CSMD1: variants seen among roughly 807,000 people sequenced by gnomAD.
CSMD1 encodes the protein CUB and Sushi multiple domains 1.
Under a neutral mutation model 417.5 loss-of-function variants are expected in CSMD1, and 213 were observed. That is an observed-to-expected ratio of 0.51 (90% CI 0.46 to 0.57). The LOEUF is 0.57. Ranked by LOEUF, CSMD1 falls within the 20% of genes least tolerant of loss-of-function variation. The pLI is 0.00. For synonymous variants in CSMD1, 2,862 were observed against 1,736.8 expected, an observed-to-expected ratio of 1.65 and a Z score of -16.11; for missense variants, 6,923 against 4,529.7, an observed-to-expected ratio of 1.53 and a Z score of -15.17.
At chr8:4,372,561 G>A (rs1391337176) in intron 3 of CSMD1, among the ~76,000 whole-genome samples, 2 of 151,788 alleles carry the variant, frequency 1.3e-5, no homozygotes, top group African/African-American at 2.4e-5. Flanking sequence ...TTGGAGGAAT[G>A]GCTGTTTCTA....
At chr8:4,847,698 C>G (rs908192655) in intron 1 of CSMD1, among the ~76,000 whole-genome samples, 1 of 151,650 alleles carries the variant, frequency 6.6e-6, no homozygotes, top group Non-Finnish European at 1.5e-5. Context: ...AGTTTCCTGA[C>G]TTTTCTTGTT....
chr8:3,871,692 C>A (rs1293993294), intron 5 of CSMD1, among the ~76,000 whole-genome samples: 1 of 151,998 alleles, frequency 6.6e-6, no homozygotes, highest in Admixed American at 6.6e-5. Context: ...TCATTTTCAC[C>A]CAGGTAAATG....
At chr8:3,438,028 G>A (rs979826299) in intron 12 of CSMD1, among the ~76,000 whole-genome samples, 1 of 152,122 alleles carries the variant, frequency 6.6e-6, no homozygotes, top group Non-Finnish European at 1.5e-5. Context: ...TTCTAAAATA[G>A]AGGTTTTTGT....
intron 68 of CSMD1, among the ~76,000 whole-genome samples, chr8:2,948,070 T>G (rs1459933899): frequency 6.6e-6 from 1 of 152,060 alleles, no homozygotes; most frequent in African/African-American, 2.4e-5. Flanking sequence ...GGCTCTGGTA[T>G]CAAAGCCTAT....
At chr8:3,697,297 T>C (rs187747302) in intron 7 of CSMD1, among the ~76,000 whole-genome samples, 1 of 152,292 alleles carries the variant, frequency 6.6e-6, no homozygotes, top group Admixed American at 6.5e-5. Flanking sequence ...CCAGAAAACA[T>C]TTTCGGTTTT....
chr8:3,875,377 G>A (rs539884572), intron 5 of CSMD1, among the ~76,000 whole-genome samples: 118 of 152,280 alleles, frequency 7.7e-4, no homozygotes, highest in Non-Finnish European at 1.4e-3. Flanking sequence ...ACGTTTTGGC[G>A]ACTTCTGCGT....
chr8:3,850,578 C>G (rs957097740), intron 5 of CSMD1, among the ~76,000 whole-genome samples: 1 of 152,076 alleles, frequency 6.6e-6, no homozygotes, highest in African/African-American at 2.4e-5. Context: ...ACCTGTTTTC[C>G]CAGCTACTTA....
At chr8:4,656,575 T>C (rs76313501) in intron 1 of CSMD1, among the ~76,000 whole-genome samples, 5,097 of 151,786 alleles carry the variant, frequency 0.034, 131 homozygotes, top group East Asian at 0.12. Context: ...AATACGATTG[T>C]TGTGAATAGA....
chr8:3,256,323 AAAG>A (rs1554487842), intron 26 of CSMD1, among the ~76,000 whole-genome samples: 4 of 138,022 alleles, frequency 2.9e-5, no homozygotes, highest in African/African-American at 1.0e-4. Context: ...AAAAAAAAAA[AAAG>A]AGAAGAAAGG....
intron 4 of CSMD1, among the ~76,000 whole-genome samples, chr8:4,015,878 C>G (rs984353890): frequency 2.0e-5 from 3 of 152,096 alleles, no homozygotes; most frequent in African/African-American, 7.2e-5. Context: ...TGGTTTACAT[C>G]TCATGCTTCC....
intron 54 of CSMD1, among the ~76,000 whole-genome samples, chr8:2,982,508 G>A (rs1805509851): frequency 6.6e-6 from 1 of 152,172 alleles, no homozygotes. Context: ...GCCTGATGAA[G>A]GAAGCCTGAA....
At chr8:3,596,414 A>C (rs1801097667) in intron 8 of CSMD1, among the ~76,000 whole-genome samples, 1 of 152,128 alleles carries the variant, frequency 6.6e-6, no homozygotes, top group Admixed American at 6.5e-5. Context: ...TAAGTCAACA[A>C]TGGAGGAGGC....
At chr8:3,599,679 A>G (rs1264677110) in intron 8 of CSMD1, among the ~76,000 whole-genome samples, 1 of 152,128 alleles carries the variant, frequency 6.6e-6, no homozygotes, top group Admixed American at 6.5e-5. Flanking sequence ...CTTTAACAAC[A>G]TCTCCATTTT....
intron 1 of CSMD1, among the ~76,000 whole-genome samples, chr8:4,709,641 C>G (rs568587179): frequency 6.6e-6 from 1 of 152,172 alleles, no homozygotes; most frequent in Non-Finnish European, 1.5e-5. Context: ...GAGCCCAAGA[C>G]TACTGGGGGT....
At chr8:4,918,709 C>T (rs1181195100) in intron 1 of CSMD1, among the ~76,000 whole-genome samples, 4 of 152,062 alleles carry the variant, frequency 2.6e-5, no homozygotes, top group Admixed American at 6.5e-5. Flanking sequence ...ATACATTTTT[C>T]GTAATTTCAC....
chr8:3,947,890 T>C (rs549382790), intron 5 of CSMD1, among the ~76,000 whole-genome samples: 2 of 152,280 alleles, frequency 1.3e-5, no homozygotes, highest in South Asian at 2.1e-4. Flanking sequence ...ACCTGTTCTA[T>C]TAGTTAAAAG....
Position 3,264,248 on chromosome 8 carries a change from T to A in CSMD1, c.4153+19896A>T, listed in dbSNP as rs570833088. 4.6e-5 allele frequency among the ~76,000 whole-genome samples: 7 copies of A among 152,336 alleles called. No homozygotes were observed. The East Asian group carries it at 5.8e-4, about 13-fold the overall frequency. On this transcript the variant is annotated intron_variant, in intron 26 of 69. Coordinates refer to ENST00000635120, the MANE Select transcript of CSMD1 (RefSeq NM_033225.6). ...AAACATTCTCTGCGAATTCACCAGTTCTTTATTAACAATAAGTACCTGGTT... is the reference window on the plus strand; with the variant it reads ...AAACATTCTCTGCGAATTCACCAGTACTTTATTAACAATAAGTACCTGGTT...
At chr8:4,056,692 C>T (rs79728588) in intron 3 of CSMD1, among the ~76,000 whole-genome samples, 2,257 of 152,038 alleles carry the variant, frequency 0.015, 52 homozygotes, top group East Asian at 0.087. Flanking sequence ...CCACTCCCCC[C>T]ACCCCACAAC....
intron 5 of CSMD1, among the ~76,000 whole-genome samples, chr8:3,841,430 A>C (rs532433115): frequency 1.3e-5 from 2 of 152,298 alleles, no homozygotes; most frequent in South Asian, 2.1e-4. Flanking sequence ...GAAAACAACA[A>C]AACAATCTTT....
Sources: allele counts gnomAD v4.1 joint callset (sites outside exome capture counted in the v4.1 genomes callset), GRCh38; gene constraint gnomAD v4.1.1; transcripts MANE v1.5; gene names NCBI Gene and HGNC (gene_info 2026-07-23, HGNC 2026-07-21).